ADAMTS16: variants seen among roughly 807,000 people sequenced by gnomAD.
ADAMTS16 encodes ADAM metallopeptidase with thrombospondin type 1 motif 16, also known as A disintegrin and metalloproteinase with thrombospondin motifs 16.
Under a neutral mutation model 145.8 loss-of-function variants are expected in ADAMTS16, and 94 were observed. That is an observed-to-expected ratio of 0.64 (90% CI 0.55 to 0.77). The LOEUF is 0.77. Ranked by LOEUF, ADAMTS16 falls within the 30% of genes least tolerant of loss-of-function variation. The pLI is 0.00. For synonymous variants in ADAMTS16, 659 were observed against 604.3 expected (o/e 1.09, Z -1.33); for missense variants, 1,585 against 1,591.5 (o/e 1.00, Z 0.07).
rs113456322 is a variant in ADAMTS16, at chr5:5,156,129, G to C, written c.501+9674G>C. On this transcript the variant is annotated intron_variant, in intron 3 of 22. Transcript: ENST00000274181. ...TGGGCTGTTGGTGGATGTGAATAGA[G>C]AGCAGGTGGCAAAGCAGAAATGGGA... Among the ~76,000 whole-genome samples, 363 of 152,298 alleles carry C rather than the reference G, an allele frequency of 2.4e-3. 1 individual carries two copies. Among genetic ancestry groups the C allele is most frequent in the African/African-American group, 8.4e-3 (348 of 41,560 alleles).
chr5:5,171,900 G>A (rs1223791590), intron 3 of ADAMTS16, among the ~76,000 whole-genome samples: 4 of 152,062 alleles, frequency 2.6e-5, no homozygotes, highest in African/African-American at 9.7e-5. Context: ...CAGATCCTGG[G>A]TGTTTCTTCC....
At chr5:5,221,230 G>A (rs1417340834) in intron 10 of ADAMTS16, among the ~76,000 whole-genome samples, 2 of 152,084 alleles carry the variant, frequency 1.3e-5, no homozygotes, top group African/African-American at 4.8e-5. Context: ...TTGAATTCAT[G>A]GGTTCCTTGG....
At chr5:5,211,145 T>C (rs1736263668) in intron 10 of ADAMTS16, among the ~76,000 whole-genome samples, 1 of 152,056 alleles carries the variant, frequency 6.6e-6, no homozygotes, top group African/African-American at 2.4e-5. Flanking sequence ...TCTGGAAGAG[T>C]TTGTAAAAGA....
intron 3 of ADAMTS16, among the ~76,000 whole-genome samples, chr5:5,154,622 T>C (rs968286853): frequency 1.1e-4 from 17 of 152,108 alleles, no homozygotes; most frequent in Non-Finnish European, 2.1e-4. Flanking sequence ...CCAAGTGGAG[T>C]GGAGTCACTT....
At chr5:5,218,422 C>A (rs763638355) in intron 10 of ADAMTS16, among the ~76,000 whole-genome samples, 51 of 152,282 alleles carry the variant, frequency 3.3e-4, no homozygotes, top group South Asian at 1.5e-3. Context: ...GGTACAGAGA[C>A]TGTGGGGAGC....
At chr5:5,225,668 AG>A (rs892687387) in intron 11 of ADAMTS16, among the ~76,000 whole-genome samples, 5 of 152,032 alleles carry the variant, frequency 3.3e-5, no homozygotes, top group Non-Finnish European at 7.4e-5. Context: ...TAGACAAATA[AG>A]GCCAGCAGTT....
chr5:5,239,583 A>G, intron 15 of ADAMTS16, 98 bp from the exon 16 acceptor site: 2 of 1,514,202 alleles, frequency 1.3e-6, no homozygotes, highest in Non-Finnish European at 9.0e-7. Flanking sequence ...CCAAATGTGG[A>G]TTCTCAGGTT....
At chr5:5,311,391 T>C (rs1406678631) in intron 21 of ADAMTS16, among the ~76,000 whole-genome samples, 1 of 151,922 alleles carries the variant, frequency 6.6e-6, no homozygotes, top group Non-Finnish European at 1.5e-5. Context: ...TCTGAACCAA[T>C]TTAATCCGCC....
chr5:5,189,043 T>C (rs567407205), intron 6 of ADAMTS16, among the ~76,000 whole-genome samples: 59 of 152,328 alleles, frequency 3.9e-4, no homozygotes, highest in Middle Eastern at 3.4e-3. Flanking sequence ...GTGTAGCATT[T>C]TGCTTGGGTA....
At chr5:5,163,741 G>A (rs1734796726) in intron 3 of ADAMTS16, among the ~76,000 whole-genome samples, 2 of 152,150 alleles carry the variant, frequency 1.3e-5, no homozygotes, top group Admixed American at 6.5e-5. Flanking sequence ...GGTGTCTAAG[G>A]TCAACTTGCT....
At chr5:5,181,973 T>C (rs959944918) in intron 3 of ADAMTS16, 71 bp from the exon 4 acceptor site, 18 of 1,485,816 alleles carry the variant, frequency 1.2e-5, no homozygotes, top group Non-Finnish European at 1.5e-5. Context: ...AATGCAATGC[T>C]TGGAGAATCG....
intron 10 of ADAMTS16, among the ~76,000 whole-genome samples, chr5:5,212,177 A>G (rs902143051): frequency 6.9e-6 from 1 of 144,974 alleles, no homozygotes; most frequent in East Asian, 2.1e-4. Context: ...TGTTAGTACT[A>G]TTAGTTTCTG....
At chr5:5,196,236 T>TAAAA (rs1735799644) in intron 8 of ADAMTS16, among the ~76,000 whole-genome samples, 1 of 8,504 alleles carries the variant, frequency 1.2e-4, no homozygotes, top group Non-Finnish European at 2.3e-4. Context: ...AGCCTCCATC[T>TAAAA]CAAAAAAAAA....
intron 3 of ADAMTS16, among the ~76,000 whole-genome samples, chr5:5,174,215 C>A (rs1479451804): frequency 6.6e-6 from 1 of 152,122 alleles, no homozygotes; most frequent in East Asian, 1.9e-4. Flanking sequence ...ATTTTCTCTG[C>A]ATATATTATT....
At chr5:5,241,948 C>T in intron 16 of ADAMTS16, 105 bp from the exon 17 acceptor site, 2 of 1,340,914 alleles carry the variant, frequency 1.5e-6, no homozygotes, top group South Asian at 2.8e-5. Flanking sequence ...TCATAACAAA[C>T]TTCTTGTTGA....
intron 10 of ADAMTS16, among the ~76,000 whole-genome samples, chr5:5,215,903 T>C (rs1182990975): frequency 7.9e-6 from 1 of 126,554 alleles, no homozygotes; most frequent in Non-Finnish European, 1.7e-5. Flanking sequence ...TATATATATA[T>C]ATATATATAT....
At chr5:5,252,378 C>T (rs1737656358) in intron 17 of ADAMTS16, among the ~76,000 whole-genome samples, 1 of 152,000 alleles carries the variant, frequency 6.6e-6, no homozygotes, top group Non-Finnish European at 1.5e-5. Context: ...TTAAGGAAAA[C>T]AATAATTCCA....
At chr5:5,198,388 C>T (rs2126588049) in intron 8 of ADAMTS16, among the ~76,000 whole-genome samples, 1 of 152,290 alleles carries the variant, frequency 6.6e-6, no homozygotes, top group South Asian at 2.1e-4. Flanking sequence ...CTACATCACC[C>T]TTGGTACTGA....
chr5:5,215,291 G>A (rs1736385526), intron 10 of ADAMTS16, among the ~76,000 whole-genome samples: 1 of 152,172 alleles, frequency 6.6e-6, no homozygotes, highest in Admixed American at 6.5e-5. Flanking sequence ...ACTGCTTGAA[G>A]AATAAATAAT....
Sources: gnomAD v4.1 joint callset for allele counts (sites outside exome capture counted in the v4.1 genomes callset) on GRCh38, gnomAD v4.1.1 for gene constraint, MANE v1.5 for transcripts, NCBI Gene and HGNC (gene_info 2026-07-23, HGNC 2026-07-21) for gene names.